The following MARK1 variants were observed in gnomAD, a reference collection of about 807,000 sequenced individuals.
MARK1 encodes microtubule affinity regulating kinase 1, also known as serine/threonine-protein kinase MARK1.
Under a neutral mutation model 96.3 loss-of-function variants are expected in MARK1, and 40 were observed. That is an observed-to-expected ratio of 0.42 (90% CI 0.32 to 0.54). MARK1 has a LOEUF of 0.54. MARK1 is among the 20% of genes least tolerant of loss of function. MARK1 has a pLI of 0.16. For synonymous variants in MARK1, 317 were observed against 341.2 expected, an observed-to-expected ratio of 0.93 and a Z score of 0.78; for missense variants, 719 against 984.6, an observed-to-expected ratio of 0.73 and a Z score of 3.61.
chr1:220,651,955 C>G, intron 14 of MARK1, 31 bp from the exon 15 acceptor site: 1 of 1,454,970 alleles, frequency 6.9e-7, no homozygotes, highest in Non-Finnish European at 9.2e-7. Context: ...TCTTTTTTTC[C>G]ATGGTCTTCT....
At position 220,664,429 on chromosome 1, in the gene MARK1, A is replaced by G. The variant is rs1271910680; in HGVS notation, c.*2263A>G. The G allele has an allele frequency of 1.3e-5, 2 of 152,086 alleles. No homozygotes were observed. The highest frequency in any genetic ancestry group is 2.9e-5 in the Non-Finnish European group (2 of 68,034). 9.4% of individuals were successfully genotyped at this position (152,086 alleles called of 1,614,324 possible). On this transcript the variant is annotated 3_prime_UTR_variant, in exon 18 of 18. Coordinates refer to ENST00000366917, the MANE Select transcript of MARK1 (RefSeq NM_018650.5). ...CTGTTGAAATATTATTTGATATGAC[A>G]TCCCTTATATTAAATTAATTATTTT...
At chr1:220,626,647 C>T in intron 9 of MARK1, 2 of 350,500 alleles carry the variant, frequency 5.7e-6, no homozygotes, top group South Asian at 2.4e-5. Context: ...CATGGTGAAA[C>T]CCCGCATCTA....
At chr1:220,541,963 C>T (rs1661178785) in intron 1 of MARK1, among the ~76,000 whole-genome samples, 1 of 152,098 alleles carries the variant, frequency 6.6e-6, no homozygotes, top group Non-Finnish European at 1.5e-5. Context: ...CCCTCTTATC[C>T]TCTCTTGCTG....
chr1:220,599,099 T>G (rs1665570159), intron 4 of MARK1, among the ~76,000 whole-genome samples: 1 of 152,186 alleles, frequency 6.6e-6, no homozygotes, highest in African/African-American at 2.4e-5. Context: ...CAAAATAACT[T>G]TGCGTTTTAA....
chr1:220,611,881 C>T (rs112769106), intron 6 of MARK1, among the ~76,000 whole-genome samples: 5 of 152,110 alleles, frequency 3.3e-5, no homozygotes, highest in African/African-American at 1.2e-4. Context: ...TACAGGCACA[C>T]ACCACCACGC....
chr1:220,656,433 A>G (rs766998853), intron 16 of MARK1, among the ~76,000 whole-genome samples: 4 of 152,210 alleles, frequency 2.6e-5, no homozygotes, highest in Non-Finnish European at 5.9e-5. Context: ...TGAATAATAA[A>G]GCATAATATA....
intron 5 of MARK1, 152 bp from the exon 6 acceptor site, chr1:220,603,915 T>A (rs911085381): frequency 1.1e-5 from 5 of 460,926 alleles, no homozygotes; most frequent in Non-Finnish European, 1.9e-5. Context: ...TTTCCTTTTT[T>A]CTATTCATGT....
rs547296502 is a variant in MARK1, at chr1:220,654,665, A to C, written c.1988+1313A>C. ...GCAGGGTACTAGTCAGATTATCAGTAGTTTCTGCTTTTGGAATTTGTCTAT... is the reference window on the plus strand; with the variant it reads ...GCAGGGTACTAGTCAGATTATCAGTCGTTTCTGCTTTTGGAATTTGTCTAT... On this transcript the variant is annotated intron_variant, in intron 16 of 17. Transcript: ENST00000366917. This position sits in a 1 kb window ranked among gnomAD's most constrained non-coding sequence, Gnocchi z 4.0. Among the ~76,000 whole-genome samples the C allele has an allele frequency of 6.6e-6, 1 of 152,240 alleles. No individual in the cohort carries two copies. The highest frequency in any genetic ancestry group is 1.5e-5 in the Non-Finnish European group (1 of 68,056).
At position 220,625,659 on chromosome 1, in the gene MARK1, T is replaced by C. The variant is rs149845926; in HGVS notation, c.910-5376T>C. ...CTGAGAAAATAGAAACCAAAAGTCA[T>C]GAGTACTCTTCACTTACCATTCCCA... On this transcript the variant is annotated intron_variant, in intron 9 of 17. Transcript: ENST00000366917. 308 of 260,242 alleles carry C rather than the reference T, an allele frequency of 1.2e-3. 1 individual carries two copies. The highest frequency in any genetic ancestry group is 6.4e-3 in the African/African-American group (288 of 45,034). The allele number at this position is 260,242 out of a possible 1,614,324, so 16.1% of individuals were successfully genotyped here. A position where few individuals can be genotyped will look rare whatever the true frequency, so the allele number is the denominator to read the frequency against.
chr1:220,645,443 G>A (rs1668526630), intron 13 of MARK1, among the ~76,000 whole-genome samples: 1 of 152,152 alleles, frequency 6.6e-6, no homozygotes, highest in African/African-American at 2.4e-5. Flanking sequence ...ACCAAAAATA[G>A]CCCAGGACCA....
intron 1 of MARK1, among the ~76,000 whole-genome samples, chr1:220,537,009 G>C (rs1660743252): frequency 6.6e-6 from 1 of 151,402 alleles, no homozygotes; most frequent in Non-Finnish European, 1.5e-5. Context: ...TTTAAGTTCA[G>C]GGGTACATGT....
intron 9 of MARK1, among the ~76,000 whole-genome samples, chr1:220,625,473 A>G (rs1572195111): frequency 6.6e-6 from 1 of 152,358 alleles, no homozygotes; most frequent in Non-Finnish European, 1.5e-5. Flanking sequence ...AAAATATTAC[A>G]TAACAACAAG....
chr1:220,609,213 A>C (rs1375154463), intron 6 of MARK1, among the ~76,000 whole-genome samples: 1 of 152,146 alleles, frequency 6.6e-6, no homozygotes, highest in African/African-American at 2.4e-5. Flanking sequence ...GTCTGTAAGG[A>C]CTTGCTTTAT....
At chr1:220,658,473 G>C (rs925769413) in intron 17 of MARK1, among the ~76,000 whole-genome samples, 1 of 152,212 alleles carries the variant, frequency 6.6e-6, no homozygotes, top group Non-Finnish European at 1.5e-5. Context: ...CAAGTCCCCA[G>C]GAGATGCTTA....
rs79198620 is a variant in MARK1, at chr1:220,648,546, G to A, written c.1471-2074G>A. On this transcript the variant is annotated intron_variant, in intron 13 of 17. Transcript: ENST00000366917. ...GCATTGAAGCCCCAAGGCAAGGGAG[G>A]TAGAGTGGGAGGAGCACAAATTCAG... 4.2e-3 allele frequency among the ~76,000 whole-genome samples: 638 copies of A among 152,338 alleles called. 3 individuals carry two copies. The highest frequency in any genetic ancestry group is 0.015 in the African/African-American group (619 of 41,582).
At chr1:220,571,747 GGTCTC>G (rs1663476587) in intron 1 of MARK1, 1 of 151,950 alleles carries the variant, frequency 6.6e-6, no homozygotes, top group Non-Finnish European at 1.5e-5. Context: ...TTAGAGACAG[GGTCTC>G]ACTATGTTGC....
At position 220,663,784 on chromosome 1, in the gene MARK1, G is replaced by C. The variant is rs544573964; in HGVS notation, c.*1618G>C. 6.7e-6 allele frequency: 1 copy of C among 150,280 alleles called. No homozygotes were observed. Among genetic ancestry groups the C allele is most frequent in the African/African-American group, 2.5e-5 (1 of 40,392 alleles). The allele number at this position is 150,280 out of a possible 1,614,324, so 9.3% of individuals were successfully genotyped here. On this transcript the variant is annotated 3_prime_UTR_variant, in exon 18 of 18. Coordinates refer to ENST00000366917, the MANE Select transcript of MARK1 (RefSeq NM_018650.5). ...TTTTTTTTTGCCTTAGCAAAGGGTG[G>C]TGTTTGAAAAAAAAAATGTGTAGCC...
At chr1:220,644,457 C>A (rs376463268) in intron 13 of MARK1, among the ~76,000 whole-genome samples, 125 of 139,494 alleles carry the variant, frequency 9.0e-4, no homozygotes, top group African/African-American at 3.2e-3. Flanking sequence ...AGACCCCCCC[C>A]CCCCCACACA....
chr1:220,590,294 A>G lies in MARK1; in HGVS notation c.310-8037A>G, dbSNP rs574844660. Reference sequence around the variant, plus strand: ...TGGAGGGTTATCATATTAGTCTGCTAGTCGGGCCATCACAAAATACCACAG... The same window carrying G: ...TGGAGGGTTATCATATTAGTCTGCTGGTCGGGCCATCACAAAATACCACAG... On this transcript the variant is annotated intron_variant, in intron 3 of 17. Transcript: ENST00000366917. 2.0e-5 allele frequency among the ~76,000 whole-genome samples: 3 copies of G among 152,342 alleles called. No individual in the cohort carries two copies. In the South Asian group the frequency reaches 6.2e-4, roughly 32 times the overall value.
Sources: gnomAD v4.1 joint callset for allele counts (sites outside exome capture counted in the v4.1 genomes callset) on GRCh38, gnomAD v4.1.1 for gene constraint, Gnocchi (gnomAD v3.1) non-coding constraint, MANE v1.5 for transcripts, NCBI Gene and HGNC (gene_info 2026-07-23, HGNC 2026-07-21) for gene names.